The following SLC4A4 variants were observed in gnomAD, a reference collection of about 807,000 sequenced individuals.
The protein encoded by SLC4A4 is electrogenic sodium bicarbonate cotransporter 1.
A neutral mutation model predicts 111.5 loss-of-function variants in SLC4A4; 27 were observed. The observed-to-expected ratio is 0.24, with a 90% CI of 0.18 to 0.33. SLC4A4 has a LOEUF of 0.33. SLC4A4 is among the 10% of genes least tolerant of loss of function. The pLI is 1.00. For missense variants in SLC4A4, 909 were observed against 1,315.5 expected, an observed-to-expected ratio of 0.69 and a Z score of 4.78; for synonymous variants, 443 against 463.4, an observed-to-expected ratio of 0.96 and a Z score of 0.57.
intron 7 of SLC4A4, among the ~76,000 whole-genome samples, chr4:71,411,491 C>T (rs1330047271): frequency 6.6e-6 from 1 of 152,096 alleles, no homozygotes; most frequent in Non-Finnish European, 1.5e-5. Context: ...TTTTTGGCTA[C>T]ATGTTTATCT....
rs80206789 is a variant in SLC4A4, at chr4:71,380,442, C to T, written c.731-17135C>T. On this transcript the variant is annotated intron_variant, in intron 6 of 25. Coordinates refer to ENST00000264485, the MANE Select transcript of SLC4A4 (RefSeq NM_001098484.3). ...TTTCTGGGCAGGTATGAGGACCCTA[C>T]GTCTTCAACCCACTTGAAGTTAGGT... 7.5e-4 allele frequency among the ~76,000 whole-genome samples: 114 copies of T among 152,308 alleles called. No individual in the cohort carries two copies. In the East Asian group the frequency reaches 0.014, roughly 19 times the overall value.
chr4:71,567,869 C>T lies in SLC4A4; in HGVS notation c.*118C>T. 6.6e-7 allele frequency: 1 copy of T among 1,526,434 alleles called. No individual in the cohort carries two copies. Among genetic ancestry groups the T allele is most frequent in the Non-Finnish European group, 8.9e-7 (1 of 1,129,872 alleles). The allele number at this position is 1,526,434 out of a possible 1,614,324, so 94.6% of individuals were successfully genotyped here. A position where few individuals can be genotyped will look rare whatever the true frequency, so the allele number is the denominator to read the frequency against. On this transcript the variant is annotated 3_prime_UTR_variant, in exon 26 of 26. Transcript: ENST00000264485. ...AAGACAATGATTATTTCTGGAGGAG[C>T]AAGGGAACAGAAACTACATTGTAAC...
intron 3 of SLC4A4, among the ~76,000 whole-genome samples, chr4:71,333,617 C>T (rs1161028201): frequency 6.6e-6 from 1 of 152,228 alleles, no homozygotes. Flanking sequence ...TCCTTCCCTT[C>T]AGGGCAGTGA....
chr4:71,559,272 A>C (rs1311482923), intron 22 of SLC4A4, among the ~76,000 whole-genome samples: 1 of 151,880 alleles, frequency 6.6e-6, no homozygotes, highest in African/African-American at 2.4e-5. Flanking sequence ...AGATATCTTT[A>C]ATGTACCTTC....
At chr4:71,368,846 G>A (rs571193441) in intron 6 of SLC4A4, among the ~76,000 whole-genome samples, 1 of 152,278 alleles carries the variant, frequency 6.6e-6, no homozygotes, top group African/African-American at 2.4e-5. Context: ...CATTCTTTGT[G>A]GGGATTCATT....
At chr4:71,259,302 A>G (rs571772068) in intron 3 of SLC4A4, among the ~76,000 whole-genome samples, 73 of 152,204 alleles carry the variant, frequency 4.8e-4, no homozygotes, top group African/African-American at 1.6e-3. Context: ...TAAAAAATAA[A>G]TGAGTGTTTG....
At chr4:71,407,415 C>T (rs1387441417) in intron 7 of SLC4A4, among the ~76,000 whole-genome samples, 1 of 152,134 alleles carries the variant, frequency 6.6e-6, no homozygotes, top group Non-Finnish European at 1.5e-5. Context: ...GAGTTTATAT[C>T]TTAGCTGATT....
At chr4:71,317,583 T>C (rs1376945879) in intron 3 of SLC4A4, among the ~76,000 whole-genome samples, 5 of 152,114 alleles carry the variant, frequency 3.3e-5, no homozygotes, top group Admixed American at 6.6e-5. Context: ...CAAGCATTGT[T>C]ATTATCAAGA....
At chr4:71,167,917 C>T (rs1744826028) in intron 2 of SLC4A4, among the ~76,000 whole-genome samples, 1 of 152,104 alleles carries the variant, frequency 6.6e-6, no homozygotes, top group Admixed American at 6.5e-5. Flanking sequence ...CTTCAGTCCT[C>T]ACCCCTGCCT....
Position 71,546,514 on chromosome 4 carries a change from GTT to G in SLC4A4, c.2609_2610del (p.Phe870SerfsTer48), listed in dbSNP as rs779973672. ...ETSAPGEQPK[F>X]LGVREQRVTG... ...CTTCTGCACCTGGAGAACAACCAAA[GTT>G]TCTAGGAGTGAGGTGTGTTAACTCA... On this transcript the variant is annotated frameshift_variant, in exon 19 of 26. Coordinates refer to ENST00000264485, the MANE Select transcript of SLC4A4 (RefSeq NM_001098484.3). LOFTEE classifies it high-confidence loss of function. The G allele has an allele frequency of 8.1e-6, 13 of 1,612,204 alleles. No individual in the cohort carries two copies. The highest frequency in any genetic ancestry group is 1.1e-5 in the Non-Finnish European group (13 of 1,178,850).
chr4:71,164,400 A>T (rs181574920), intron 2 of SLC4A4, among the ~76,000 whole-genome samples: 2 of 151,340 alleles, frequency 1.3e-5, no homozygotes, highest in African/African-American at 2.4e-5. Flanking sequence ...AAAAAAAAGC[A>T]TTATTTTGAA....
intron 3 of SLC4A4, among the ~76,000 whole-genome samples, chr4:71,263,485 G>A (rs978730538): frequency 7.2e-5 from 11 of 152,144 alleles, no homozygotes; most frequent in Admixed American, 7.2e-4. Context: ...TATTTGTTGA[G>A]TGGATAGGTA....
chr4:71,321,884 C>CT (rs1727145871), intron 3 of SLC4A4, among the ~76,000 whole-genome samples: 1 of 151,954 alleles, frequency 6.6e-6, no homozygotes, highest in African/African-American at 2.4e-5. Flanking sequence ...ATTATGTTGT[C>CT]TGAGAACAGT....
At position 71,301,998 on chromosome 4, in the gene SLC4A4, G is replaced by A. The variant is rs369869043; in HGVS notation, c.254-37372G>A. Among the ~76,000 whole-genome samples the A allele has an allele frequency of 4.6e-5, 7 of 152,298 alleles. No individual in the cohort carries two copies. In the South Asian group the frequency reaches 1.5e-3, roughly 32 times the overall value. On this transcript the variant is annotated intron_variant, in intron 3 of 25. Transcript: ENST00000264485. ...CTTAGTTTTATTCTCTATATTTGAT[G>A]TTTGGTGCACTGCAAAAGATGGCAT...
chr4:71,565,102 G>A (rs146943140), intron 24 of SLC4A4, among the ~76,000 whole-genome samples: 13 of 151,874 alleles, frequency 8.6e-5, no homozygotes, highest in Non-Finnish European at 2.9e-5. Context: ...GGGACTCAAG[G>A]GCCCCATTAC....
intron 12 of SLC4A4, among the ~76,000 whole-genome samples, chr4:71,463,387 C>T (rs1727017933): frequency 6.6e-6 from 1 of 152,130 alleles, no homozygotes; most frequent in South Asian, 2.1e-4. Context: ...TACAGTTAAA[C>T]TACAGTTATT....
chr4:71,539,368 A>G (rs1393329509), intron 18 of SLC4A4, among the ~76,000 whole-genome samples: 1 of 152,044 alleles, frequency 6.6e-6, no homozygotes, highest in Non-Finnish European at 1.5e-5. Flanking sequence ...TACCTCTCAA[A>G]GAACTTCCAT....
intron 13 of SLC4A4, among the ~76,000 whole-genome samples, chr4:71,466,958 AGAGAGAGG>A (rs1199017689): frequency 6.8e-4 from 74 of 109,460 alleles, no homozygotes; most frequent in African/African-American, 2.7e-3. Context: ...AGAGAGAGAG[AGAGAGAGG>A]GAGAGAGAGA....
intron 3 of SLC4A4, among the ~76,000 whole-genome samples, chr4:71,275,172 CT>C (rs1260653103): frequency 1.3e-5 from 2 of 152,154 alleles, no homozygotes; most frequent in Non-Finnish European, 2.9e-5. Flanking sequence ...CAGGAAATGT[CT>C]TTGCTTTAAT....
Sources: allele counts gnomAD v4.1 joint callset (sites outside exome capture counted in the v4.1 genomes callset), GRCh38; gene constraint gnomAD v4.1.1; transcripts MANE v1.5; gene names NCBI Gene and HGNC (gene_info 2026-07-23, HGNC 2026-07-21).